Variants in TRPM3 observed in about 807,000 individuals in gnomAD.
TRPM3 encodes transient receptor potential cation channel subfamily M member 3.
Under a neutral mutation model 181.2 loss-of-function variants are expected in TRPM3, and 77 were observed. That is an observed-to-expected ratio of 0.42 (90% confidence interval 0.35 to 0.51). The LOEUF is 0.51. TRPM3 is among the 20% of genes least tolerant of loss of function. The pLI is 0.01. For missense variants in TRPM3, 1,759 were observed against 2,196.7 expected (o/e 0.80, Z 3.98); for synonymous variants, 745 against 796.4 (o/e 0.94, Z 1.09).
intron 1 of TRPM3, among the ~76,000 whole-genome samples, chr9:71,345,802 C>T (rs1288996593): frequency 1.3e-5 from 2 of 152,060 alleles, no homozygotes; most frequent in Admixed American, 1.3e-4. Context: ...GTTTAATAAC[C>T]ACATAAAATA....
chr9:70,673,735 T>C (rs1485675693), intron 9 of TRPM3, among the ~76,000 whole-genome samples: 1 of 152,072 alleles, frequency 6.6e-6, no homozygotes, highest in Non-Finnish European at 1.5e-5. Context: ...AAGACCAGCG[T>C]GGCCAACATA....
chr9:70,988,514 G>C (rs2097444047), intron 1 of TRPM3, among the ~76,000 whole-genome samples: 1 of 152,112 alleles, frequency 6.6e-6, no homozygotes, highest in African/African-American at 2.4e-5. Context: ...AGCGTCCACT[G>C]TATACTTTCA....
intron 1 of TRPM3, among the ~76,000 whole-genome samples, chr9:70,905,386 C>G (rs970258018): frequency 6.6e-6 from 1 of 152,170 alleles, no homozygotes; most frequent in East Asian, 1.9e-4. Flanking sequence ...TCTCTCTCTT[C>G]TTTGTTTAGA....
chr9:70,892,945 A>G (rs1404610428), intron 1 of TRPM3, among the ~76,000 whole-genome samples: 1 of 152,210 alleles, frequency 6.6e-6, no homozygotes, highest in African/African-American at 2.4e-5. Flanking sequence ...ATCCACAAAT[A>G]AAATTGAGAA....
chr9:70,581,860 G>A (rs903159899), intron 22 of TRPM3, among the ~76,000 whole-genome samples: 3 of 151,882 alleles, frequency 2.0e-5, no homozygotes, highest in African/African-American at 7.3e-5. Flanking sequence ...CAACAATCAA[G>A]GGCCAGCAGG....
intron 1 of TRPM3, among the ~76,000 whole-genome samples, chr9:71,149,744 C>T (rs925980539): frequency 1.7e-4 from 26 of 151,976 alleles, no homozygotes; most frequent in African/African-American, 6.0e-4. Flanking sequence ...GAGGCTGAGG[C>T]GGATGGATCA....
intron 1 of TRPM3, among the ~76,000 whole-genome samples, chr9:71,081,756 C>CT (rs1456108405): frequency 6.6e-6 from 1 of 152,108 alleles, no homozygotes. Flanking sequence ...GCTTTGTATC[C>CT]TATTTCTGAA....
chr9:71,223,825 G>A (rs931063798), intron 1 of TRPM3, among the ~76,000 whole-genome samples: 1 of 152,176 alleles, frequency 6.6e-6, no homozygotes, highest in Non-Finnish European at 1.5e-5. Context: ...AAGAAAGAAT[G>A]GGAAAGATTT....
At chr9:71,395,049 C>A (rs2093157681) in intron 1 of TRPM3, among the ~76,000 whole-genome samples, 1 of 152,196 alleles carries the variant, frequency 6.6e-6, no homozygotes, top group Non-Finnish European at 1.5e-5. Context: ...GGATGCTAAA[C>A]ATCCCACAAT....
rs1270900878 is a variant in TRPM3 at position 70,803,051 on chromosome 9, AAAAAAAAAC to A, written c.974-18781_974-18773del. ...AATTTTGTAAAAAAAAAAAAAAAAA[AAAAAAAAAC>A]AAAGGCCCAACTCCACCAATTTTCT... On this transcript the variant is annotated intron_variant, in intron 6 of 25. Transcript: ENST00000677713. 8.4e-3 allele frequency among the ~76,000 whole-genome samples: 1,106 copies of A among 131,612 alleles called. 26 individuals are homozygous for A. Among genetic ancestry groups the A allele is most frequent in the African/African-American group, 0.04 (982 of 24,696 alleles). 86.3% of individuals were successfully genotyped at this position (131,612 alleles called of 152,430 possible). A position where few individuals can be genotyped will look rare whatever the true frequency, so the allele number is the denominator to read the frequency against.
intron 4 of TRPM3, 32 bp from the exon 5 acceptor site, chr9:70,843,159 T>C: frequency 6.3e-7 from 1 of 1,592,650 alleles, no homozygotes; most frequent in East Asian, 2.2e-5. Flanking sequence ...TGATTTTTTC[T>C]TTTAAAGCAA....
intron 1 of TRPM3, among the ~76,000 whole-genome samples, chr9:71,248,469 G>A (rs1467392502): frequency 6.6e-6 from 1 of 152,206 alleles, no homozygotes; most frequent in Non-Finnish European, 1.5e-5. Flanking sequence ...GATGATGGAA[G>A]CGAAGACAGA....
intron 7 of TRPM3, among the ~76,000 whole-genome samples, chr9:70,769,369 T>C (rs1350760889): frequency 6.6e-6 from 1 of 152,126 alleles, no homozygotes; most frequent in African/African-American, 2.4e-5. Context: ...AAACTCATCA[T>C]TTAAAACTCA....
intron 1 of TRPM3, among the ~76,000 whole-genome samples, chr9:71,433,525 G>C (rs181970513): frequency 6.6e-6 from 1 of 152,254 alleles, no homozygotes; most frequent in East Asian, 1.9e-4. Context: ...CCACTCTCGG[G>C]TATGTCTTTA....
At chr9:70,590,296 C>G (rs1157630188) in intron 22 of TRPM3, among the ~76,000 whole-genome samples, 1 of 152,174 alleles carries the variant, frequency 6.6e-6, no homozygotes, top group African/African-American at 2.4e-5. Context: ...AAACTCCATA[C>G]AAAAGGAGTG....
intron 1 of TRPM3, among the ~76,000 whole-genome samples, chr9:71,137,388 ATTAAC>A (rs1398218960): frequency 2.0e-5 from 3 of 152,216 alleles, no homozygotes; most frequent in Admixed American, 6.5e-5. Context: ...AAGTAAACAA[ATTAAC>A]TTAAGTACGT....
intron 1 of TRPM3, among the ~76,000 whole-genome samples, chr9:71,154,902 A>T (rs975306478): frequency 6.6e-6 from 1 of 152,200 alleles, no homozygotes; most frequent in Non-Finnish European, 1.5e-5. Context: ...CTACAGAAAT[A>T]CATCTGGTAT....
At chr9:71,188,797 CCT>C (rs2077837568) in intron 1 of TRPM3, among the ~76,000 whole-genome samples, 1 of 151,802 alleles carries the variant, frequency 6.6e-6, no homozygotes, top group African/African-American at 2.4e-5. Flanking sequence ...ACAACTTTTT[CCT>C]TTTTTGTCCT....
At chr9:71,313,118 G>A (rs1309282499) in intron 1 of TRPM3, among the ~76,000 whole-genome samples, 1 of 152,128 alleles carries the variant, frequency 6.6e-6, no homozygotes, top group Non-Finnish European at 1.5e-5. Context: ...GGCGCAGGTG[G>A]TTGATAGTCG....
Sources: gnomAD v4.1 joint callset for allele counts (sites outside exome capture counted in the v4.1 genomes callset) on GRCh38, gnomAD v4.1.1 for gene constraint, MANE v1.5 for transcripts, NCBI Gene and HGNC (gene_info 2026-07-23, HGNC 2026-07-21) for gene names.